PHGDH: variants seen among roughly 807,000 people sequenced by gnomAD.
The protein encoded by PHGDH is D-3-phosphoglycerate dehydrogenase.
Under a neutral mutation model 52.6 loss-of-function variants are expected in PHGDH, and 50 were observed. That is an observed-to-expected ratio of 0.95 (90% CI 0.76 to 1.20). The LOEUF is 1.20. Among genes scored for constraint, PHGDH ranks in the 50% most tolerant of loss-of-function variants. The pLI, the probability that PHGDH is intolerant of heterozygous loss-of-function variation, is 0.00. For missense variants in PHGDH, 630 were observed against 684.6 expected (o/e 0.92, Z 0.89); for synonymous variants, 271 against 280.5 (o/e 0.97, Z 0.34).
At chr1:119,731,914 C>T (rs6666721) in intron 5 of PHGDH, among the ~76,000 whole-genome samples, 2 of 152,340 alleles carry the variant, frequency 1.3e-5, no homozygotes, top group African/African-American at 4.8e-5. Flanking sequence ...GATTCTCAAA[C>T]TCAAGAGCCT....
intron 6 of PHGDH, chr1:119,735,026 G>A: frequency 1.6e-6 from 1 of 621,748 alleles, no homozygotes; most frequent in Non-Finnish European, 2.8e-6. Context: ...AGCCCCTGCA[G>A]GGCTTTCTGA....
intron 7 of PHGDH, among the ~76,000 whole-genome samples, chr1:119,735,675 G>T (rs1372763701): frequency 6.6e-6 from 1 of 152,188 alleles, no homozygotes; most frequent in African/African-American, 2.4e-5. Context: ...GGGCTTTAAA[G>T]GGGACCCAGT....
At position 119,726,925 on chromosome 1, in the gene PHGDH, C is replaced by G; in HGVS notation, c.411+20C>G. 1 of 1,613,054 alleles carries G rather than the reference C, an allele frequency of 6.2e-7. No homozygotes were observed. Among genetic ancestry groups the G allele is most frequent in the Non-Finnish European group, 8.5e-7 (1 of 1,178,942 alleles). ...AAGAAGGTGAGCAGCGGCCTTGACT[C>G]GCCCCACCTGGGCTCAGGGCCCGGG... On this transcript the variant is annotated intron_variant, in intron 4 of 11. Transcript: ENST00000641023.
chr1:119,734,689 A>G lies in PHGDH; in HGVS notation c.566A>G (p.Gln189Arg), dbSNP rs750124525. ...GAGGTCTCGGCCTCCTTTGGTGTTC[A>G]GCAGCTGCCCCTGGAGGAGATCTGG... ...SPEVSASFGV[Q>R]QLPLEEIWPL... Residue 189 changes from glutamine to arginine, a missense_variant, in exon 6 of 12, where the codon CAG becomes CGG. Physicochemically the swap from Gln to Arg is conservative, Grantham distance 43 (BLOSUM62 1). Coordinates refer to ENST00000641023, the MANE Select transcript of PHGDH (RefSeq NM_006623.4). 1 of 1,613,976 alleles carries G rather than the reference A, an allele frequency of 6.2e-7. No homozygotes were observed. The highest frequency in any genetic ancestry group is 1.3e-5 in the African/African-American group (1 of 74,926).
chr1:119,724,043 G>A (rs2101162078), intron 3 of PHGDH, among the ~76,000 whole-genome samples: 1 of 152,228 alleles, frequency 6.6e-6, no homozygotes, highest in South Asian at 2.1e-4. Flanking sequence ...TCTTCTAGCA[G>A]GAGTTCCAGG....
intron 9 of PHGDH, among the ~76,000 whole-genome samples, chr1:119,741,086 C>T (rs1283284153): frequency 2.0e-5 from 3 of 152,212 alleles, no homozygotes; most frequent in African/African-American, 7.2e-5. Context: ...CCTCTGACCA[C>T]CCCTCGGGCT....
chr1:119,734,716 C>G lies in PHGDH; in HGVS notation c.593C>G (p.Pro198Arg). 1 of 1,614,070 alleles carries G rather than the reference C, an allele frequency of 6.2e-7. No individual in the cohort carries two copies. Among genetic ancestry groups the G allele is most frequent in the Non-Finnish European group, 8.5e-7 (1 of 1,179,978 alleles). Residue 198 changes from proline (P) to arginine (R), a missense_variant, in exon 6 of 12, where the codon CCT (proline) becomes CGT (arginine). Transcript: ENST00000641023. ...CAGCTGCCCCTGGAGGAGATCTGGC[C>G]TCTCTGTGATTTCATCACTGTGCAC... ...VQQLPLEEIW[P>R]LCDFITVHTP...
chr1:119,744,134 A>C lies in PHGDH; in HGVS notation c.*94A>C. 1 of 1,188,050 alleles carries C rather than the reference A, an allele frequency of 8.4e-7. No individual in the cohort carries two copies. The highest frequency in any genetic ancestry group is 1.3e-6 in the Non-Finnish European group (1 of 796,410). The allele number at this position is 1,188,050 out of a possible 1,614,324, so 73.6% of individuals were successfully genotyped here. On this transcript the variant is annotated 3_prime_UTR_variant, in exon 12 of 12. Transcript: ENST00000641023. ...AGAGAAAATCCACATTCTTGGGCTG[A>C]ACGCGGGCCTCTGACACTGCTTACA... is the stretch of plus-strand genomic sequence containing the variant.
rs185723106 is a variant in PHGDH, at chr1:119,738,573, C to G, written c.945+1307C>G. 2.6e-4 allele frequency among the ~76,000 whole-genome samples: 39 copies of G among 152,350 alleles called. No homozygotes were observed. The East Asian group carries it at 5.0e-3, about 20-fold the overall frequency. ...TTCGTTCCTCCCAGGAGATGCTGCT[C>G]GTTTCCCAGGCTGAGGTTTGAGCTC... On this transcript the variant is annotated intron_variant, in intron 8 of 11. Coordinates refer to ENST00000641023, the MANE Select transcript of PHGDH (RefSeq NM_006623.4).
At position 119,737,405 on chromosome 1, in the gene PHGDH, G is replaced by T. The variant is rs967360886; in HGVS notation, c.945+139G>T. On this transcript the variant is annotated intron_variant, in intron 8 of 11. Coordinates refer to ENST00000641023, the MANE Select transcript of PHGDH (RefSeq NM_006623.4). ...AGATAAGGGAAATCTGCTTGAGTCA[G>T]CACTCTCCGGAGCAGGTGGGCGGGA... The T allele has an allele frequency of 1.9e-5, 14 of 754,098 alleles. No individual in the cohort carries two copies. The Admixed American group carries it at 3.2e-4, about 17-fold the overall frequency. 46.7% of individuals were successfully genotyped at this position (754,098 alleles called of 1,614,324 possible).
chr1:119,742,519 C>G, intron 10 of PHGDH: 1 of 561,728 alleles, frequency 1.8e-6, no homozygotes, highest in Non-Finnish European at 3.2e-6. Context: ...AGTCTCCTCA[C>G]AGCCCTGCCT....
chr1:119,721,071 G>A (rs887572411), intron 1 of PHGDH, 99 bp from the exon 2 acceptor site: 2 of 1,143,220 alleles, frequency 1.7e-6, no homozygotes, highest in African/African-American at 3.0e-5. Flanking sequence ...TAAGGTTCCG[G>A]AAATGCATCT....
At chr1:119,726,173 G>A (rs1400138121) in intron 3 of PHGDH, among the ~76,000 whole-genome samples, 1 of 142,074 alleles carries the variant, frequency 7.0e-6, no homozygotes. Flanking sequence ...GAGACAGGCT[G>A]TGAAGAGTGT....
intron 5 of PHGDH, chr1:119,734,214 A>G: frequency 3.1e-6 from 1 of 317,906 alleles, no homozygotes; most frequent in Non-Finnish European, 6.1e-6. Flanking sequence ...TCCCTCCCTC[A>G]GGACTCCCTG....
intron 5 of PHGDH, among the ~76,000 whole-genome samples, chr1:119,732,811 G>T (rs1167295273): frequency 2.0e-5 from 3 of 152,174 alleles, no homozygotes; most frequent in African/African-American, 7.2e-5. Flanking sequence ...CAGCCTGCAG[G>T]GTCCTTCCTC....
chr1:119,739,890 G>A (rs1332140641), intron 8 of PHGDH: 2 of 166,662 alleles, frequency 1.2e-5, no homozygotes, highest in Admixed American at 5.8e-5. Flanking sequence ...TTTGAAGCAC[G>A]ATCATCAAAA....
At chr1:119,742,141 A>G (rs896163490) in intron 10 of PHGDH, 3 of 549,042 alleles carry the variant, frequency 5.5e-6, no homozygotes, top group Non-Finnish European at 6.6e-6. Flanking sequence ...AAGTGTCCCC[A>G]TTTCACAGCC....
chr1:119,737,237 A>G lies in PHGDH; in HGVS notation c.916A>G (p.Met306Val), dbSNP rs587648058. The G allele has an allele frequency of 4.2e-5, 68 of 1,614,132 alleles. 2 individuals are homozygous for G. In the East Asian group the frequency reaches 6.2e-4, roughly 15 times the overall value. Residue 306 changes from methionine (M) to valine (V), a missense_variant, in exon 8 of 12, where the codon ATG becomes GTG. Coordinates refer to ENST00000641023, the MANE Select transcript of PHGDH (RefSeq NM_006623.4). ...GGAAATTGCTGTTCAGTTCGTGGAC[A>G]TGGTGAAGGGGAAATCTCTCACGGG... is the stretch of plus-strand genomic sequence containing the variant. ...GEEIAVQFVD[M>V]VKGKSLTGVV... is the part of the protein sequence containing the mutation.
intron 1 of PHGDH, among the ~76,000 whole-genome samples, chr1:119,717,896 G>T (rs760521895): frequency 2.6e-5 from 4 of 152,172 alleles, no homozygotes; most frequent in Non-Finnish European, 5.9e-5. Flanking sequence ...GGGAAAGAGG[G>T]TGAAGGTGTG....
Sources: gnomAD v4.1 joint callset for allele counts (sites outside exome capture counted in the v4.1 genomes callset) on GRCh38, gnomAD v4.1.1 for gene constraint, MANE v1.5 for transcripts, NCBI Gene and HGNC (gene_info 2026-07-23, HGNC 2026-07-21) for gene names.